MIGA1: variants seen among roughly 807,000 people sequenced by gnomAD.
MIGA1 encodes the protein family with sequence similarity 73, member A.
In MIGA1, 58 loss-of-function variants were observed where a neutral mutation model predicts 82.0. The ratio of observed to expected loss-of-function variants is 0.71; its 90% CI spans 0.57 to 0.88. MIGA1 has a LOEUF of 0.88. Among genes scored for constraint, MIGA1 ranks in the 40% least tolerant of loss-of-function variants. The probability of loss-of-function intolerance (pLI) is 0.00; values close to 1 mark genes in which losing one functional copy is unlikely to be tolerated. For missense variants in MIGA1, 751 were observed against 749.1 expected (o/e 1.00, Z -0.03); for synonymous variants, 249 against 253.6 (o/e 0.98, Z 0.17).
chr1:77,781,663 A>G (rs968256452), intron 1 of MIGA1, among the ~76,000 whole-genome samples: 2 of 152,192 alleles, frequency 1.3e-5, no homozygotes, highest in Middle Eastern at 3.2e-3. Context: ...ATATGTCTCT[A>G]TCACAGGTTG....
rs146551874 is a variant in MIGA1, at chr1:77,798,354, G to C, written c.196-2977G>C. 2.3e-4 allele frequency among the ~76,000 whole-genome samples: 35 copies of C among 152,198 alleles called. 1 individual carries two copies. The highest frequency in any genetic ancestry group is 7.9e-4 in the African/African-American group (33 of 41,528). Reference sequence around the variant, plus strand: ...GCTGATAAAGACATACCTGAGACTGGATAATTTATAAAGAAAAAGAGGTTT... The same window carrying C: ...GCTGATAAAGACATACCTGAGACTGCATAATTTATAAAGAAAAAGAGGTTT... On this transcript the variant is annotated intron_variant, in intron 2 of 15. Coordinates refer to ENST00000370791, the MANE Select transcript of MIGA1 (RefSeq NM_198549.4).
rs1685776381 is a variant in MIGA1 at position 77,868,833 on chromosome 1, T to G, written c.1563+2442T>G. 3.3e-5 allele frequency among the ~76,000 whole-genome samples: 5 copies of G among 152,184 alleles called. No individual in the cohort carries two copies. In the South Asian group the frequency reaches 1.0e-3, roughly 32 times the overall value. On this transcript the variant is annotated intron_variant, in intron 14 of 15. Coordinates refer to ENST00000370791, the MANE Select transcript of MIGA1 (RefSeq NM_198549.4). ...CAGTTTATTTAACCCCTCTCCAATATCACTTTTCACATGTTTAAAATGATG... is the reference window on the plus strand; with the variant it reads ...CAGTTTATTTAACCCCTCTCCAATAGCACTTTTCACATGTTTAAAATGATG...
At chr1:77,861,489 G>A (rs1685451971) in intron 12 of MIGA1, 167 bp downstream of exon 12, 2 of 522,820 alleles carry the variant, frequency 3.8e-6, no homozygotes, top group Non-Finnish European at 6.7e-6. Context: ...GTACGTTGGG[G>A]CAGTAGTTGT....
At chr1:77,822,298 C>T (rs1029930814) in intron 7 of MIGA1, among the ~76,000 whole-genome samples, 36 of 152,260 alleles carry the variant, frequency 2.4e-4, no homozygotes, top group African/African-American at 7.0e-4. Context: ...CAGTAACTCA[C>T]ACCTGTAGCC....
chr1:77,785,506 G>A (rs188712614), intron 2 of MIGA1, among the ~76,000 whole-genome samples: 1 of 152,246 alleles, frequency 6.6e-6, no homozygotes. Context: ...ACCACGCCTG[G>A]CTAGTTTTGT....
At chr1:77,806,535 G>A (rs926862047) in intron 4 of MIGA1, among the ~76,000 whole-genome samples, 3 of 152,178 alleles carry the variant, frequency 2.0e-5, no homozygotes, top group Non-Finnish European at 4.4e-5. Context: ...TTTGCTCAGT[G>A]GACCTTGCTA....
chr1:77,843,769 A>C (rs1449487970), intron 8 of MIGA1, among the ~76,000 whole-genome samples: 1 of 152,092 alleles, frequency 6.6e-6, no homozygotes, highest in East Asian at 1.9e-4. Context: ...TTTTGTTCTA[A>C]GAAGGTGATC....
chr1:77,842,951 T>C (rs1684683091), intron 7 of MIGA1, among the ~76,000 whole-genome samples: 1 of 152,242 alleles, frequency 6.6e-6, no homozygotes, highest in Admixed American at 6.5e-5. Context: ...TTCTTCTAAT[T>C]TGGGCAAGAC....
intron 15 of MIGA1, among the ~76,000 whole-genome samples, chr1:77,874,550 AAAT>A (rs1389355257): frequency 2.6e-5 from 4 of 152,090 alleles, no homozygotes. Context: ...ATCTTTTTTT[AAAT>A]GTTTCCCCAC....
At chr1:77,833,740 C>T (rs1684326715) in intron 7 of MIGA1, among the ~76,000 whole-genome samples, 1 of 152,238 alleles carries the variant, frequency 6.6e-6, no homozygotes, top group East Asian at 1.9e-4. Flanking sequence ...CCAGTTGTAC[C>T]TCGTGGCCCT....
Position 77,875,351 on chromosome 1 carries a change from G to T in MIGA1, c.*287G>T. 1 of 287,120 alleles carries T rather than the reference G, an allele frequency of 3.5e-6. No homozygotes were observed. Among genetic ancestry groups the T allele is most frequent in the East Asian group, 7.6e-5 (1 of 13,120 alleles). 17.8% of individuals were successfully genotyped at this position (287,120 alleles called of 1,614,324 possible). The stretch of plus-strand genomic sequence containing the variant: ...CTTGAATTGAAGCCAATATTTGGGA[G>T]TTAATTGGTTTGTCTTCTTGAAGCT... On this transcript the variant is annotated 3_prime_UTR_variant, in exon 16 of 16. Transcript: ENST00000370791.
At position 77,807,078 on chromosome 1, in the gene MIGA1, C is replaced by T; in HGVS notation, c.614C>T (p.Thr205Ile). 2 of 1,590,842 alleles carry T rather than the reference C, an allele frequency of 1.3e-6. No individual in the cohort carries two copies. The highest frequency in any genetic ancestry group is 1.1e-5 in the South Asian group (1 of 89,610). Residue 205 changes from threonine (T) to isoleucine (I), a missense_variant, in exon 5 of 16, where the codon ACT (threonine) becomes ATT (isoleucine). Transcript: ENST00000370791. ...AAACTTGTTAATATTCCTGTGACTA[C>T]TCCAGAGAACTTATACTTAATGGGT...
intron 8 of MIGA1, among the ~76,000 whole-genome samples, chr1:77,849,256 G>T (rs1316384231): frequency 6.6e-6 from 1 of 152,096 alleles, no homozygotes; most frequent in Admixed American, 6.6e-5. Context: ...AAAAAGCCTG[G>T]TGTGGTGGTG....
At chr1:77,821,390 AT>A (rs199521038) in intron 7 of MIGA1, among the ~76,000 whole-genome samples, 1,756 of 137,504 alleles carry the variant, frequency 0.013, 15 homozygotes, top group African/African-American at 0.035. Context: ...ATAGTTTTAG[AT>A]TTTTTTTTTT....
intron 7 of MIGA1, among the ~76,000 whole-genome samples, chr1:77,823,878 G>A (rs139686426): frequency 1.3e-5 from 2 of 152,134 alleles, no homozygotes; most frequent in Admixed American, 6.5e-5. Flanking sequence ...CACATAGGTC[G>A]TGACACCTCA....
At chr1:77,780,989 C>T (rs1681886272) in intron 1 of MIGA1, among the ~76,000 whole-genome samples, 1 of 151,248 alleles carries the variant, frequency 6.6e-6, no homozygotes, top group Non-Finnish European at 1.5e-5. Flanking sequence ...TCACTGCAAC[C>T]TCCGCCCCTA....
chr1:77,823,018 T>C (rs1397467700), intron 7 of MIGA1, among the ~76,000 whole-genome samples: 29 of 151,252 alleles, frequency 1.9e-4, no homozygotes. Flanking sequence ...AATTTTTGTA[T>C]TTTTAGTAGA....
At chr1:77,814,805 A>G (rs1187463358) in intron 6 of MIGA1, among the ~76,000 whole-genome samples, 1 of 152,156 alleles carries the variant, frequency 6.6e-6, no homozygotes, top group Non-Finnish European at 1.5e-5. Context: ...TTGCATTTCT[A>G]CCAAGTTCTT....
At chr1:77,793,365 A>C (rs961011155) in intron 2 of MIGA1, among the ~76,000 whole-genome samples, 2 of 151,506 alleles carry the variant, frequency 1.3e-5, no homozygotes, top group African/African-American at 4.8e-5. Context: ...GGCCTCACAA[A>C]GTGCTGGGAT....
Sources: gnomAD v4.1 joint callset for allele counts (sites outside exome capture counted in the v4.1 genomes callset) on GRCh38, gnomAD v4.1.1 for gene constraint, MANE v1.5 for transcripts, NCBI Gene and HGNC (gene_info 2026-07-23, HGNC 2026-07-21) for gene names.